Variants in DSC2 observed in about 807,000 individuals in gnomAD.
DSC2 encodes desmocollin-2.
DSC2 carries 51 observed loss-of-function variants against 87.6 expected under a neutral mutation model. The observed-to-expected ratio is 0.58, with a 90% CI of 0.46 to 0.74. The LOEUF (loss-of-function observed/expected upper bound fraction) is 0.74. Ranked by LOEUF, DSC2 falls within the 30% of genes least tolerant of loss-of-function variation. DSC2 has a pLI of 0.00. For missense variants in DSC2, 1,066 were observed against 1,089.5 expected, an observed-to-expected ratio of 0.98 and a Z score of 0.30; for synonymous variants, 383 against 393.2, an observed-to-expected ratio of 0.97 and a Z score of 0.31.
intron 11 of DSC2, among the ~76,000 whole-genome samples, chr18:31,076,866 T>C (rs1301189194): frequency 1.3e-5 from 2 of 152,100 alleles, no homozygotes; most frequent in African/African-American, 4.8e-5. Flanking sequence ...AAAAGGACAA[T>C]CGTTAATCGA....
intron 1 of DSC2, among the ~76,000 whole-genome samples, chr18:31,100,643 T>C (rs552624739): frequency 6.6e-6 from 1 of 152,196 alleles, no homozygotes; most frequent in Admixed American, 6.5e-5. Context: ...AATTCATGAT[T>C]GTAAAATGTG....
chr18:31,079,056 T>TA (rs1987114811), intron 11 of DSC2, among the ~76,000 whole-genome samples: 1 of 152,158 alleles, frequency 6.6e-6, no homozygotes, highest in Non-Finnish European at 1.5e-5. Flanking sequence ...ATAATGTCTT[T>TA]AATCAGAATT....
At chr18:31,081,139 A>T (rs1987205609) in intron 9 of DSC2, among the ~76,000 whole-genome samples, 1 of 152,160 alleles carries the variant, frequency 6.6e-6, no homozygotes, top group Admixed American at 6.6e-5. Flanking sequence ...CCCTCCTAAG[A>T]TGAATAAAAT....
chr18:31,059,868 T>A lies in DSC2; in HGVS notation c.*8147A>T, dbSNP rs1255251574. On this transcript the variant is annotated 3_prime_UTR_variant, in exon 16 of 16. Transcript: ENST00000280904. ...ATATTCCATCATCATATCACAATAG[T>A]GATAGCTGCTGGTTATTGATATACT... is the stretch of plus-strand genomic sequence containing the variant. The A allele has an allele frequency of 6.6e-6, 1 of 152,206 alleles. No individual in the cohort carries two copies. Among genetic ancestry groups the A allele is most frequent in the African/African-American group, 2.4e-5 (1 of 41,464 alleles). 9.4% of individuals were successfully genotyped at this position (152,206 alleles called of 1,614,324 possible).
intron 6 of DSC2, 77 bp downstream of exon 6, chr18:31,087,592 T>A: frequency 1.3e-6 from 2 of 1,510,258 alleles, no homozygotes; most frequent in Non-Finnish European, 1.8e-6. Flanking sequence ...ACGCTGCTTC[T>A]CAACGGACAT....
At chr18:31,087,621 A>C (rs769937950) in intron 6 of DSC2, 48 bp downstream of exon 6, 7 of 1,587,118 alleles carry the variant, frequency 4.4e-6, no homozygotes, top group Middle Eastern at 2.3e-4. Flanking sequence ...TAAATGTATG[A>C]ATTGAAACAC....
intron 14 of DSC2, among the ~76,000 whole-genome samples, chr18:31,069,529 A>G (rs1986756652): frequency 6.6e-6 from 1 of 152,150 alleles, no homozygotes; most frequent in African/African-American, 2.4e-5. Context: ...AGCCTCGCCA[A>G]CATGGTGGAA....
At chr18:31,090,418 T>G (rs1987551906) in intron 4 of DSC2, among the ~76,000 whole-genome samples, 1 of 152,046 alleles carries the variant, frequency 6.6e-6, no homozygotes, top group Admixed American at 6.6e-5. Flanking sequence ...CTACTGAAAG[T>G]TAAAACAAGA....
In DSC2 at chr18:31,102,138, G is replaced by T; in HGVS notation, c.-167C>A. 3.7e-6 allele frequency: 2 copies of T among 540,442 alleles called. No individual in the cohort carries two copies. Among genetic ancestry groups the T allele is most frequent in the South Asian group, 6.2e-5 (2 of 32,392 alleles). The allele number at this position is 540,442 out of a possible 1,614,324, so 33.5% of individuals were successfully genotyped here. On this transcript the variant is annotated 5_prime_UTR_variant, in exon 1 of 16. Coordinates refer to ENST00000280904, the MANE Select transcript of DSC2 (RefSeq NM_024422.6). ...GTGCTTTTCTTAGCTTCTCTGAAGC[G>T]CCTGCCTCTCATCCAAGGGGCTTTT... is the stretch of plus-strand genomic sequence containing the variant.
At chr18:31,071,915 T>A in intron 12 of DSC2, 74 bp from the exon 13 acceptor site, 1 of 1,300,056 alleles carries the variant, frequency 7.7e-7, no homozygotes, top group South Asian at 1.2e-5. Flanking sequence ...TAACTCATTA[T>A]CAGATAGTTA....
In DSC2 at chr18:31,059,089, C is replaced by T. The variant is rs1391746089; in HGVS notation, c.*8926G>A. The T allele has an allele frequency of 1.3e-5, 2 of 152,038 alleles. No homozygotes were observed. Among genetic ancestry groups the T allele is most frequent in the Non-Finnish European group, 2.9e-5 (2 of 68,020 alleles). The allele number at this position is 152,038 out of a possible 1,614,324, so 9.4% of individuals were successfully genotyped here. ...AGATCTGAACCTTGCCTGTTGGGCC[C>T]CAAGGGACCCAAAGTTCAGGCTCTA... On this transcript the variant is annotated 3_prime_UTR_variant, in exon 16 of 16. Coordinates refer to ENST00000280904, the MANE Select transcript of DSC2 (RefSeq NM_024422.6).
rs111362139 is a variant in DSC2 at position 31,067,300 on chromosome 18, G to C, written c.*715C>G. 2.0e-5 allele frequency: 3 copies of C among 147,782 alleles called. No individual in the cohort carries two copies. Among genetic ancestry groups the C allele is most frequent in the African/African-American group, 7.4e-5 (3 of 40,490 alleles). The allele number at this position is 147,782 out of a possible 1,614,324, so 9.2% of individuals were successfully genotyped here. On this transcript the variant is annotated 3_prime_UTR_variant, in exon 16 of 16. Coordinates refer to ENST00000280904, the MANE Select transcript of DSC2 (RefSeq NM_024422.6). ...AGAAACAGAAAGAGACAGAGAGAAA[G>C]AGAGAGATGCTACTTGACATTTTAA... is the stretch of plus-strand genomic sequence containing the variant.
Position 31,082,970 on chromosome 18 carries a change from T to C in DSC2, c.1033A>G (p.Ile345Val), listed in dbSNP as rs1177194145. The C allele has an allele frequency of 7.4e-6, 12 of 1,613,548 alleles. No individual in the cohort carries two copies. The highest frequency in any genetic ancestry group is 8.5e-6 in the Non-Finnish European group (10 of 1,179,940). Residue 345 changes from isoleucine to valine, a missense_variant, in exon 8 of 16, where the codon ATT becomes GTT. Ile to Val is a conservative substitution (Grantham distance 29, BLOSUM62 3). Coordinates refer to ENST00000280904, the MANE Select transcript of DSC2 (RefSeq NM_024422.6). ...GGCAAGTGGTCATTTACATCATCAA[T>C]GTTAATGATACAAGTTGAAGTTGTC... ...LQTTSTCIIN[I>V]DDVNDHLPTF...
intron 14 of DSC2, among the ~76,000 whole-genome samples, chr18:31,070,484 G>A (rs574688294): frequency 6.6e-6 from 1 of 152,294 alleles, no homozygotes; most frequent in South Asian, 2.1e-4. Context: ...ATCATCTGAA[G>A]TAAAAATAAC....
intron 13 of DSC2, 144 bp downstream of exon 13, chr18:31,071,461 C>G: frequency 2.7e-6 from 2 of 745,210 alleles, no homozygotes; most frequent in Admixed American, 4.0e-5. Flanking sequence ...GCATAAGAAT[C>G]ACTGGAATCC....
In DSC2 at chr18:31,070,854, G is replaced by C; in HGVS notation, c.2126-4C>G. On this transcript the variant is annotated splice_polypyrimidine_tract_variant and splice_region_variant and intron_variant, in intron 13 of 15. Coordinates refer to ENST00000280904, the MANE Select transcript of DSC2 (RefSeq NM_024422.6). ...CAGACCAGCGTAAACAGGATGCCTG[G>C]AGGAAGAAAGAAATATACTTGAGTT... is the stretch of plus-strand genomic sequence containing the variant. The C allele has an allele frequency of 3.7e-6, 6 of 1,613,598 alleles. No individual in the cohort carries two copies. The highest frequency in any genetic ancestry group is 4.2e-6 in the Non-Finnish European group (5 of 1,179,694).
At chr18:31,080,042 A>G in intron 10 of DSC2, 53 bp from the exon 11 acceptor site, 1 of 1,610,320 alleles carries the variant, frequency 6.2e-7, no homozygotes, top group Non-Finnish European at 8.5e-7. Context: ...CTAAATTATA[A>G]TAACGTAACA....
chr18:31,068,231 C>T lies in DSC2; in HGVS notation c.2509-19G>A, dbSNP rs766217781. 10 of 1,613,438 alleles carry T rather than the reference C, an allele frequency of 6.2e-6. No individual in the cohort carries two copies. Among genetic ancestry groups the T allele is most frequent in the Non-Finnish European group, 8.5e-6 (10 of 1,179,626 alleles). The stretch of plus-strand genomic sequence containing the variant: ...ACACTTTCTGCCAAGGGGAAAAACA[C>T]AACGTTTTTATTATTATTATTTTAA... On this transcript the variant is annotated intron_variant, in intron 15 of 15. Transcript: ENST00000280904.
intron 15 of DSC2, 117 bp downstream of exon 15, chr18:31,068,777 A>G: frequency 7.5e-7 from 1 of 1,327,454 alleles, no homozygotes; most frequent in Non-Finnish European, 1.1e-6. Context: ...AATAGCTTTC[A>G]ATTAGTAGAA....
Sources: gnomAD v4.1 joint callset for allele counts (sites outside exome capture counted in the v4.1 genomes callset) on GRCh38, gnomAD v4.1.1 for gene constraint, MANE v1.5 for transcripts, NCBI Gene and HGNC (gene_info 2026-07-23, HGNC 2026-07-21) for gene names.